Variants in TADA2B observed in about 807,000 individuals in gnomAD.
The protein encoded by TADA2B is transcriptional adapter 2-beta.
Under a neutral mutation model 34.5 loss-of-function variants are expected in TADA2B, and 13 were observed. The observed-to-expected ratio is 0.38, with a 90% CI of 0.25 to 0.60. The LOEUF (loss-of-function observed/expected upper bound fraction) is 0.60. Ranked by LOEUF, TADA2B falls within the 20% of genes least tolerant of loss-of-function variation. The pLI is 0.65. For missense variants in TADA2B, 442 were observed against 575.0 expected (o/e 0.77, Z 2.37); for synonymous variants, 240 against 243.4 (o/e 0.99, Z 0.13).
Position 7,054,469 on chromosome 4 carries a change from C to T in TADA2B, c.678C>T (p.Tyr226=), listed in dbSNP as rs75397160. Residue 226 remains tyrosine (Y), a synonymous_variant, in exon 2 of 2, where the codon TAC becomes TAT. Coordinates refer to ENST00000310074, the MANE Select transcript of TADA2B (RefSeq NM_152293.3). ...RQRRKNIARD[Y]NLVPAFLGKD... Reference sequence around the variant, plus strand: ...GGCGGAAGAACATCGCCCGTGACTACAATCTGGTGCCAGCCTTCCTGGGGA... The same window carrying T: ...GGCGGAAGAACATCGCCCGTGACTATAATCTGGTGCCAGCCTTCCTGGGGA... 2 of 1,613,726 alleles carry T rather than the reference C, an allele frequency of 1.2e-6. No homozygotes were observed. The highest frequency in any genetic ancestry group is 1.1e-5 in the South Asian group (1 of 91,084).
At chr4:7,045,383 G>A (rs903346281) in intron 1 of TADA2B, among the ~76,000 whole-genome samples, 12 of 152,080 alleles carry the variant, frequency 7.9e-5, no homozygotes, top group East Asian at 1.9e-4. Flanking sequence ...CTCCTTGTTC[G>A]TTATTCCCCC....
Position 7,057,468 on chromosome 4 carries a change from C to A in TADA2B, c.*2414C>A, listed in dbSNP as rs1348041650. 14 of 152,182 alleles carry A rather than the reference C, an allele frequency of 9.2e-5. No homozygotes were observed. Among genetic ancestry groups the A allele is most frequent in the Admixed American group, 2.0e-4 (3 of 15,270 alleles). 9.4% of individuals were successfully genotyped at this position (152,182 alleles called of 1,614,324 possible). A position where few individuals can be genotyped will look rare whatever the true frequency, so the allele number is the denominator to read the frequency against. On this transcript the variant is annotated 3_prime_UTR_variant, in exon 2 of 2. Transcript: ENST00000310074. ...ATATTTAATTCTCATGATAAATTAG[C>A]CACCATAATCCCATGGAATTAGGTC...
intron 1 of TADA2B, among the ~76,000 whole-genome samples, chr4:7,051,782 A>G (rs1723775009): frequency 6.6e-6 from 1 of 152,114 alleles, no homozygotes; most frequent in Non-Finnish European, 1.5e-5. Flanking sequence ...TATTTTTAGT[A>G]GAGACGGGGT....
At position 7,054,136 on chromosome 4, in the gene TADA2B, C is replaced by A; in HGVS notation, c.345C>A (p.Ile115=). 1 of 1,604,158 alleles carries A rather than the reference C, an allele frequency of 6.2e-7. No homozygotes were observed. Among genetic ancestry groups the A allele is most frequent in the Non-Finnish European group, 8.5e-7 (1 of 1,175,478 alleles). The change falls in exon 2 of 2, where the codon ATC becomes ATA. Residue 115 remains isoleucine (I), a synonymous_variant. Coordinates refer to ENST00000310074, the MANE Select transcript of TADA2B (RefSeq NM_152293.3). Reference sequence around the variant, plus strand: ...TGGAGCATTACGTGAGCATGTACATCCACGGGAACCTGGGGAAGGCCTGCA... The same window carrying A: ...TGGAGCATTACGTGAGCATGTACATACACGGGAACCTGGGGAAGGCCTGCA... ...EVMEHYVSMY[I]HGNLGKACIP...
intron 1 of TADA2B, among the ~76,000 whole-genome samples, chr4:7,052,651 G>GT (rs1723797183): frequency 6.6e-6 from 1 of 152,370 alleles, no homozygotes; most frequent in Non-Finnish European, 1.5e-5. Flanking sequence ...GTCACACAGA[G>GT]TGGCAGTAGC....
At chr4:7,052,885 TC>T (rs1723800817) in intron 1 of TADA2B, 2 of 152,406 alleles carry the variant, frequency 1.3e-5, no homozygotes, top group East Asian at 3.9e-4. Context: ...TCCTGGAGAT[TC>T]CTGGGCCCCA....
chr4:7,048,458 C>T lies in TADA2B; in HGVS notation c.270+4609C>T, dbSNP rs547164218. On this transcript the variant is annotated intron_variant, in intron 1 of 1. Transcript: ENST00000310074. ...TTAGAATCTGCATTTCTAACAACCT[C>T]CTAGGTGCTGCTGATGCGGCCGCCG... 2.3e-3 allele frequency among the ~76,000 whole-genome samples: 344 copies of T among 152,314 alleles called. 1 individual carries two copies. The highest frequency in any genetic ancestry group is 0.02 in the Middle Eastern group (6 of 294).
chr4:7,054,739 G>T lies in TADA2B; in HGVS notation c.948G>T (p.Glu316Asp). The T allele has an allele frequency of 2.5e-6, 4 of 1,613,998 alleles. No individual in the cohort carries two copies. Among genetic ancestry groups the T allele is most frequent in the Non-Finnish European group, 3.4e-6 (4 of 1,179,908 alleles). ...ACGAGGCAGCGCGGCATAAACGGGA[G>T]AAGAGGAAGGAGAACAAAAACCTAG... is the stretch of plus-strand genomic sequence containing the variant. ...AEYEAARHKREKRKENKNLAG... is the reference protein window; with the variant it reads ...AEYEAARHKRDKRKENKNLAG... The change falls in exon 2 of 2, where the codon GAG (glutamate) becomes GAT (aspartate). Residue 316 changes from glutamate (E) to aspartate (D), a missense_variant. This residue lies in a region of TADA2B where 114 missense variants were observed against 144.7 expected (regional missense o/e 0.79). Coordinates refer to ENST00000310074, the MANE Select transcript of TADA2B (RefSeq NM_152293.3).
At chr4:7,049,598 G>A (rs1723717537) in intron 1 of TADA2B, among the ~76,000 whole-genome samples, 1 of 152,220 alleles carries the variant, frequency 6.6e-6, no homozygotes, top group Admixed American at 6.5e-5. Flanking sequence ...TGGGGTCTCC[G>A]AAAGGTCTGA....
At chr4:7,045,690 C>T (rs1489302000) in intron 1 of TADA2B, 1 of 152,286 alleles carries the variant, frequency 6.6e-6, no homozygotes, top group Non-Finnish European at 1.5e-5. Context: ...GGCGCAGAGC[C>T]TTGGTGGCAT....
chr4:7,050,687 G>A (rs1022795875), intron 1 of TADA2B, among the ~76,000 whole-genome samples: 2 of 152,256 alleles, frequency 1.3e-5, no homozygotes, highest in Admixed American at 6.5e-5. Context: ...GACGCCGGGC[G>A]CAAAGGCCTG....
At chr4:7,049,219 C>T (rs781203429) in intron 1 of TADA2B, among the ~76,000 whole-genome samples, 3 of 152,154 alleles carry the variant, frequency 2.0e-5, no homozygotes, top group Non-Finnish European at 4.4e-5. Flanking sequence ...GCTGGGACTA[C>T]AGGCATGTAC....
chr4:7,048,100 A>G (rs1490825738), intron 1 of TADA2B, among the ~76,000 whole-genome samples: 1 of 152,204 alleles, frequency 6.6e-6, no homozygotes, highest in Non-Finnish European at 1.5e-5. Context: ...ATTCCCAGGG[A>G]TCCCCTGAGA....
intron 1 of TADA2B, among the ~76,000 whole-genome samples, chr4:7,051,955 C>T (rs1269276230): frequency 2.0e-5 from 3 of 152,254 alleles, no homozygotes; most frequent in Non-Finnish European, 4.4e-5. Flanking sequence ...CCTCTTCCTG[C>T]TAGTCTCACT....
At chr4:7,049,807 G>A (rs1365802511) in intron 1 of TADA2B, among the ~76,000 whole-genome samples, 1 of 152,188 alleles carries the variant, frequency 6.6e-6, no homozygotes, top group East Asian at 1.9e-4. Flanking sequence ...CCGCATGGCC[G>A]TGACTGAGTT....
intron 1 of TADA2B, among the ~76,000 whole-genome samples, chr4:7,051,637 G>A (rs1015353749): frequency 8.7e-5 from 13 of 149,114 alleles, no homozygotes; most frequent in African/African-American, 2.7e-4. Flanking sequence ...TCGCTCTTTC[G>A]CCCAGGCTGG....
chr4:7,055,172 T>C lies in TADA2B; in HGVS notation c.*118T>C, dbSNP rs1723860955. 2 of 1,063,424 alleles carry C rather than the reference T, an allele frequency of 1.9e-6. No individual in the cohort carries two copies. The highest frequency in any genetic ancestry group is 2.7e-6 in the Non-Finnish European group (2 of 750,738). The allele number at this position is 1,063,424 out of a possible 1,614,324, so 65.9% of individuals were successfully genotyped here. A position where few individuals can be genotyped will look rare whatever the true frequency, so the allele number is the denominator to read the frequency against. ...TTTTTAAACAAATTGAGTTCCTTTT[T>C]TTAAGATAGAAATTCTTTTCATGGT... On this transcript the variant is annotated 3_prime_UTR_variant, in exon 2 of 2. Coordinates refer to ENST00000310074, the MANE Select transcript of TADA2B (RefSeq NM_152293.3).
At chr4:7,053,458 A>G (rs1017365942) in intron 1 of TADA2B, 1 of 152,388 alleles carries the variant, frequency 6.6e-6, no homozygotes, top group Admixed American at 6.5e-5. Context: ...CCCCCGGCGC[A>G]TGAAGGCCAG....
In TADA2B at chr4:7,054,069, T is replaced by C. The variant is rs1723831240; in HGVS notation, c.278T>C (p.Met93Thr). Residue 93 changes from methionine (M) to threonine (T), a missense_variant, in exon 2 of 2, where the codon ATG becomes ACG. Met to Thr is a moderately conservative substitution (Grantham distance 81). This residue lies in a region of TADA2B where 102 missense variants were observed against 177.2 expected (regional missense o/e 0.58). Transcript: ENST00000310074. ...TGCCCTTTGTCATCGTAGGAAGATA[T>C]GGCTGCCCACGTTGGTGCTTCCCGG... is the stretch of plus-strand genomic sequence containing the variant. ...EQFGFGNWED[M>T]AAHVGASRTP... 1.9e-6 allele frequency: 3 copies of C among 1,577,602 alleles called. No individual in the cohort carries two copies. The highest frequency in any genetic ancestry group is 2.6e-6 in the Non-Finnish European group (3 of 1,158,542).
Sources: gnomAD v4.1 joint callset for allele counts (sites outside exome capture counted in the v4.1 genomes callset) on GRCh38, gnomAD v4.1.1 for gene constraint, gnomAD v4.1.1 regional missense constraint, MANE v1.5 for transcripts, NCBI Gene and HGNC (gene_info 2026-07-23, HGNC 2026-07-21) for gene names.